The following IQSEC1 variants were observed in gnomAD, a reference collection of about 807,000 sequenced individuals.
IQSEC1 encodes the protein IQ motif and SEC7 domain-containing protein 1.
IQSEC1 carries 31 observed loss-of-function variants against 91.0 expected under a neutral mutation model. The observed-to-expected ratio is 0.34, with a 90% CI of 0.26 to 0.46. IQSEC1 has a LOEUF of 0.46. Ranked by LOEUF, IQSEC1 falls within the 20% of genes least tolerant of loss-of-function variation. The pLI is 1.00. For synonymous variants in IQSEC1, 699 were observed against 662.6 expected, an observed-to-expected ratio of 1.05 and a Z score of -0.84; for missense variants, 1,388 against 1,575.6, an observed-to-expected ratio of 0.88 and a Z score of 2.02.
At chr3:13,119,181 T>C (rs1442406847) in intron 2 of IQSEC1, among the ~76,000 whole-genome samples, 1 of 151,952 alleles carries the variant, frequency 6.6e-6, no homozygotes, top group African/African-American at 2.4e-5. Context: ...TCTCCCAAAG[T>C]GCTGGAATAA....
At chr3:13,128,086 A>G (rs2124908833) in intron 2 of IQSEC1, among the ~76,000 whole-genome samples, 1 of 152,118 alleles carries the variant, frequency 6.6e-6, no homozygotes, top group East Asian at 1.9e-4. Flanking sequence ...TGGGATTTTC[A>G]TTGTAGATAA....
intron 1 of IQSEC1, among the ~76,000 whole-genome samples, chr3:13,196,740 A>ATG (rs1273865525): frequency 2.3e-5 from 3 of 130,396 alleles, no homozygotes; most frequent in East Asian, 4.6e-4. Flanking sequence ...GTGTATGTAC[A>ATG]TGTGTGTGCG....
chr3:13,138,411 ATG>A (rs1706746154), intron 2 of IQSEC1, among the ~76,000 whole-genome samples: 2 of 151,828 alleles, frequency 1.3e-5, no homozygotes, highest in Non-Finnish European at 2.9e-5. Flanking sequence ...AGAGACCCTG[ATG>A]CCCCATGTGG....
At position 12,957,685 on chromosome 3, in the gene IQSEC1, C is replaced by T. The variant is rs1004423943; in HGVS notation, c.24-15820G>A. ...CGCAGAAGGCCTTCCTCATGGCCCG[C>T]CCTGCCAGCCAGGGCCTGTGGTGGG... is the stretch of plus-strand genomic sequence containing the variant. On this transcript the variant is annotated intron_variant, in intron 1 of 13. Coordinates refer to ENST00000613206, the MANE Select transcript of IQSEC1 (RefSeq NM_001134382.3). Among the ~76,000 whole-genome samples the T allele has an allele frequency of 2.0e-5, 3 of 152,204 alleles. No homozygotes were observed. The East Asian group carries it at 5.8e-4, about 29-fold the overall frequency.
At chr3:12,942,032 C>T (rs1244482575) in intron 1 of IQSEC1, among the ~76,000 whole-genome samples, 167 bp from the exon 2 acceptor site, 5 of 152,184 alleles carry the variant, frequency 3.3e-5, no homozygotes, top group Non-Finnish European at 7.4e-5. Context: ...CTGCAAAACC[C>T]CTCCACTCAG....
At chr3:13,135,874 C>T (rs1041329184) in intron 2 of IQSEC1, among the ~76,000 whole-genome samples, 17 of 152,200 alleles carry the variant, frequency 1.1e-4, no homozygotes, top group African/African-American at 4.1e-4. Flanking sequence ...GCCAGGTCTC[C>T]ACTCATCCTC....
intron 1 of IQSEC1, among the ~76,000 whole-genome samples, chr3:12,958,278 G>T (rs1463992535): frequency 6.6e-6 from 1 of 152,228 alleles, no homozygotes; most frequent in African/African-American, 2.4e-5. Flanking sequence ...AATGAAGGCT[G>T]GGGGTAGGAA....
At position 12,899,880 on chromosome 3, in the gene IQSEC1, ATGT is replaced by A. The variant is rs1378433901; in HGVS notation, c.*1100_*1102del. 2.0e-6 allele frequency: 2 copies of A among 984,886 alleles called. No homozygotes were observed. The highest frequency in any genetic ancestry group is 3.5e-5 in the African/African-American group (2 of 57,072). 61.0% of individuals were successfully genotyped at this position (984,886 alleles called of 1,614,324 possible). On this transcript the variant is annotated 3_prime_UTR_variant, in exon 14 of 14. Coordinates refer to ENST00000613206, the MANE Select transcript of IQSEC1 (RefSeq NM_001134382.3). ...ACGAGGATGAGAGCTGGTCACTTTC[ATGT>A]TGGAGATGAACACTTCTGCCGTGTA...
intron 1 of IQSEC1, among the ~76,000 whole-genome samples, chr3:13,267,566 C>G (rs1309427065): frequency 1.3e-5 from 2 of 152,028 alleles, no homozygotes; most frequent in African/African-American, 2.4e-5. Flanking sequence ...CAAGTCCCCC[C>G]AGCCCTGTGC....
intron 2 of IQSEC1, among the ~76,000 whole-genome samples, chr3:13,159,304 C>A (rs1294784176): frequency 6.6e-6 from 1 of 152,134 alleles, no homozygotes; most frequent in Non-Finnish European, 1.5e-5. Flanking sequence ...TGGCAGACAC[C>A]TGCAATCCCA....
At position 12,994,581 on chromosome 3, in the gene IQSEC1, G is replaced by A. The variant is rs1215423644; in HGVS notation, c.24-52716C>T. Among the ~76,000 whole-genome samples, 1 of 152,020 alleles carries A rather than the reference G, an allele frequency of 6.6e-6. No homozygotes were observed. Among genetic ancestry groups the A allele is most frequent in the Admixed American group, 6.5e-5 (1 of 15,282 alleles). On this transcript the variant is annotated intron_variant, in intron 1 of 13. Coordinates refer to ENST00000613206, the MANE Select transcript of IQSEC1 (RefSeq NM_001134382.3). This position sits in a 1 kb window ranked among gnomAD's most constrained non-coding sequence, Gnocchi z 4.5. Reference sequence around the variant, plus strand: ...AAACGCACCTCAGGCCAAGTCCCCCGGCTCCTCCGAGGGAAAGCTGCAGCC... The same window carrying A: ...AAACGCACCTCAGGCCAAGTCCCCCAGCTCCTCCGAGGGAAAGCTGCAGCC...
intron 3 of IQSEC1, among the ~76,000 whole-genome samples, chr3:12,932,011 G>A (rs759772247): frequency 6.6e-6 from 1 of 152,240 alleles, no homozygotes; most frequent in Non-Finnish European, 1.5e-5. Flanking sequence ...CAGCTCTGGG[G>A]CCAAGGATGC....
At position 12,901,258 on chromosome 3, in the gene IQSEC1, TGGC is replaced by T. The variant is rs137962390; in HGVS notation, c.3067_3069del (p.Ala1023del). On this transcript the variant is annotated inframe_deletion, in exon 14 of 14. Transcript: ENST00000613206. Reference sequence around the variant, plus strand: ...CAGTACTGGGTGTGATGCCCGTGCATGGCGGCCTGCGGCAGCCCCTCTGGGGGC... The same window carrying T: ...CAGTACTGGGTGTGATGCCCGTGCATGGCCTGCGGCAGCCCCTCTGGGGGC... 8,130 of 1,497,386 alleles carry T rather than the reference TGGC, an allele frequency of 5.4e-3. 315 individuals are homozygous for T. In the African/African-American group the frequency reaches 0.099, roughly 18 times the overall value. 92.8% of individuals were successfully genotyped at this position (1,497,386 alleles called of 1,614,324 possible).
In IQSEC1 at chr3:12,967,696, C is replaced by A; in HGVS notation, c.24-25831G>T. On this transcript the variant is annotated intron_variant, in intron 1 of 13. Coordinates refer to ENST00000613206, the MANE Select transcript of IQSEC1 (RefSeq NM_001134382.3). This position sits in a 1 kb window ranked among gnomAD's most constrained non-coding sequence, Gnocchi z 5.9. ...CTCCGCCGCCGCCCGCTTGGCGCAG[C>A]GCGAGGCCGGGCCGGAGGAATGTGG... is the stretch of plus-strand genomic sequence containing the variant. 8.8e-7 allele frequency: 1 copy of A among 1,142,178 alleles called. No homozygotes were observed. Among genetic ancestry groups the A allele is most frequent in the Non-Finnish European group, 1.1e-6 (1 of 932,038 alleles). The allele number at this position is 1,142,178 out of a possible 1,614,324, so 70.8% of individuals were successfully genotyped here.
intron 1 of IQSEC1, among the ~76,000 whole-genome samples, chr3:12,966,447 C>G (rs1286183422): frequency 1.3e-5 from 2 of 152,182 alleles, no homozygotes; most frequent in Admixed American, 6.5e-5. Flanking sequence ...TTAGCCCCAC[C>G]CCCCTGCTCC....
intron 1 of IQSEC1, among the ~76,000 whole-genome samples, chr3:13,279,836 T>C (rs995554141): frequency 6.6e-6 from 1 of 152,286 alleles, no homozygotes; most frequent in African/African-American, 2.4e-5. Context: ...TGCATGGCCC[T>C]GTCACCTTGG....
At position 13,073,049 on chromosome 3, in the gene IQSEC1, C is replaced by A. The variant is rs1340130551; in HGVS notation, c.-35G>T. 1 of 1,551,696 alleles carries A rather than the reference C, an allele frequency of 6.4e-7. No homozygotes were observed. The highest frequency in any genetic ancestry group is 8.7e-7 in the Non-Finnish European group (1 of 1,146,918). On this transcript the variant is annotated 5_prime_UTR_variant, in exon 1 of 14. It adds an upstream start codon to the 5' untranslated region. Transcript: ENST00000613206. ...ATCCGTTCTTCCCTGTTCTGGCTCC[C>A]TCTCCAGCGGGGAGGCTCAACGTGT...
intron 1 of IQSEC1, among the ~76,000 whole-genome samples, chr3:13,237,704 G>A (rs1694956557): frequency 6.6e-6 from 1 of 152,232 alleles, no homozygotes; most frequent in South Asian, 2.1e-4. Context: ...CAAATCCTCA[G>A]CTCCGCGGTC....
rs1232931419 is a variant in IQSEC1 at position 13,207,440 on chromosome 3, A to AC, written c.273-43308dup. 9.5e-5 allele frequency among the ~76,000 whole-genome samples: 13 copies of AC among 136,812 alleles called. No homozygotes were observed. The highest frequency in any genetic ancestry group is 3.3e-4 in the African/African-American group (13 of 38,928). 89.8% of individuals were successfully genotyped at this position (136,812 alleles called of 152,430 possible). ...ACGGCTTCCCTCTGGCCACCCCCAG[A>AC]CCCCCTGCTGCCATTCTAACTCTCC... On this transcript the variant is annotated intron_variant, in intron 1 of 15. Coordinates refer to the IQSEC1 transcript ENST00000648114. The surrounding 1 kb of genome is among the most constrained non-coding windows in gnomAD (Gnocchi z 4.8).
Sources: gnomAD v4.1 joint callset for allele counts (sites outside exome capture counted in the v4.1 genomes callset) on GRCh38, gnomAD v4.1.1 for gene constraint, Gnocchi (gnomAD v3.1) non-coding constraint, MANE v1.5 for transcripts, NCBI Gene and HGNC (gene_info 2026-07-23, HGNC 2026-07-21) for gene names.